The following IQSEC1 variants were observed in gnomAD, a reference collection of about 807,000 sequenced individuals.
IQSEC1 encodes IQ motif and Sec7 domain ArfGEF 1.
Under a neutral mutation model 91.0 loss-of-function variants are expected in IQSEC1, and 31 were observed. The observed-to-expected ratio is 0.34, with a 90% CI of 0.26 to 0.46. IQSEC1 has a LOEUF of 0.46. IQSEC1 is among the 20% of genes least tolerant of loss of function. IQSEC1 has a pLI of 1.00. For missense variants in IQSEC1, 1,388 were observed against 1,575.6 expected (o/e 0.88, Z 2.02); for synonymous variants, 699 against 662.6 (o/e 1.05, Z -0.84).
At chr3:13,115,996 G>A (rs1172000410) in intron 2 of IQSEC1, among the ~76,000 whole-genome samples, 4 of 152,164 alleles carry the variant, frequency 2.6e-5, no homozygotes, top group South Asian at 4.1e-4. Flanking sequence ...CTGCAATTAC[G>A]CCCCCTCAGT....
At chr3:13,152,643 G>C (rs933647945) in intron 2 of IQSEC1, among the ~76,000 whole-genome samples, 3 of 152,200 alleles carry the variant, frequency 2.0e-5, no homozygotes, top group African/African-American at 7.2e-5. Context: ...GGCTGAGACG[G>C]GCGGATCACC....
intron 1 of IQSEC1, among the ~76,000 whole-genome samples, chr3:13,246,917 T>G (rs1029919542): frequency 1.3e-5 from 2 of 152,172 alleles, no homozygotes; most frequent in Non-Finnish European, 2.9e-5. Flanking sequence ...GGGAGGCTTC[T>G]TGCTCTCCCA....
chr3:13,270,008 C>T (rs1407920097), intron 1 of IQSEC1, among the ~76,000 whole-genome samples: 1 of 152,170 alleles, frequency 6.6e-6, no homozygotes, highest in African/African-American at 2.4e-5. Context: ...CCTAGGCCAC[C>T]AGATTGGAGA....
chr3:13,205,038 T>G (rs1694318538), intron 1 of IQSEC1, among the ~76,000 whole-genome samples: 1 of 151,882 alleles, frequency 6.6e-6, no homozygotes, highest in South Asian at 2.1e-4. Context: ...CCTCAGGTGA[T>G]CCGCCCTCCT....
In IQSEC1 at chr3:13,097,459, A is replaced by G. The variant is rs1576248547; in HGVS notation, c.303-49937T>C. ...CAGGTCCTGTGCCCAAGGCTCCCAG[A>G]CCCTGGCCATGCTCCTGTGTTGGCG... On this transcript the variant is annotated intron_variant, in intron 2 of 15. Transcript: ENST00000648114. Among the ~76,000 whole-genome samples, 3 of 151,812 alleles carry G rather than the reference A, an allele frequency of 2.0e-5. No homozygotes were observed. In the South Asian group the frequency reaches 6.2e-4, roughly 32 times the overall value.
In IQSEC1 at chr3:13,231,030, A is replaced by G. The variant is rs559082494; in HGVS notation, c.272+51681T>C. ...TGTCCCCTTAAACTTTTCATAAAGT[A>G]TTGATGATTTTACCATAAATTTGAT... On this transcript the variant is annotated intron_variant, in intron 1 of 15. Coordinates refer to the IQSEC1 transcript ENST00000648114. Among the ~76,000 whole-genome samples the G allele has an allele frequency of 2.0e-5, 3 of 152,348 alleles. No homozygotes were observed. In the East Asian group the frequency reaches 5.8e-4, roughly 29 times the overall value.
At chr3:13,118,185 T>C (rs1012145802) in intron 2 of IQSEC1, among the ~76,000 whole-genome samples, 2 of 152,204 alleles carry the variant, frequency 1.3e-5, no homozygotes, top group African/African-American at 4.8e-5. Flanking sequence ...AGGAATTATA[T>C]ATATCCAAAC....
intron 1 of IQSEC1, among the ~76,000 whole-genome samples, chr3:13,164,153 C>T (rs1007931872): frequency 4.6e-5 from 7 of 152,196 alleles, no homozygotes; most frequent in African/African-American, 7.2e-5. Flanking sequence ...GAAGAGCACA[C>T]GCTTAGAGCC....
chr3:13,277,106 T>TAAAAAAAAAAA (rs4034193), intron 1 of IQSEC1, among the ~76,000 whole-genome samples: 2 of 35,994 alleles, frequency 5.6e-5, no homozygotes, highest in African/African-American at 1.3e-4. Context: ...TGCTCCTCCT[T>TAAAAAAAAAAA]AAAAAAAAAA....
rs568327069 is a variant in IQSEC1 at position 12,933,441 on chromosome 3, A to G, written c.1568+2007T>C. ...CGATACCCTCATAAGACAATGTCACAGTCCCGCGCCCTGAGTGATGTCAGC... is the reference window on the plus strand; with the variant it reads ...CGATACCCTCATAAGACAATGTCACGGTCCCGCGCCCTGAGTGATGTCAGC... On this transcript the variant is annotated intron_variant, in intron 3 of 13. Transcript: ENST00000613206. Among the ~76,000 whole-genome samples the G allele has an allele frequency of 4.6e-5, 7 of 152,366 alleles. 1 individual carries two copies. In the South Asian group the frequency reaches 1.2e-3, roughly 27 times the overall value.
chr3:13,130,187 T>C (rs970852818), intron 2 of IQSEC1, among the ~76,000 whole-genome samples: 1 of 150,284 alleles, frequency 6.7e-6, no homozygotes, highest in African/African-American at 2.4e-5. Context: ...CTACTAAAAA[T>C]ACAAAAATTA....
At chr3:13,101,408 G>T (rs956582708) in intron 2 of IQSEC1, among the ~76,000 whole-genome samples, 3 of 126,084 alleles carry the variant, frequency 2.4e-5, no homozygotes, top group African/African-American at 6.7e-5. Flanking sequence ...GACAGGGTGA[G>T]ATTCCATCTC....
At position 12,922,067 on chromosome 3, in the gene IQSEC1, T is replaced by C. The variant is rs1359839576; in HGVS notation, c.1853+53A>G. On this transcript the variant is annotated intron_variant, in intron 5 of 13. Coordinates refer to ENST00000613206, the MANE Select transcript of IQSEC1 (RefSeq NM_001134382.3). The surrounding 1 kb of genome is among the most constrained non-coding windows in gnomAD (Gnocchi z 5.1). ...TTGGTCCATCCTCGGGCCCTGAAGC[T>C]GGGGGACACCATTCTTCCCTGATGC... 3 of 1,515,810 alleles carry C rather than the reference T, an allele frequency of 2.0e-6. No individual in the cohort carries two copies. Among genetic ancestry groups the C allele is most frequent in the South Asian group, 1.3e-5 (1 of 79,848 alleles). 93.9% of individuals were successfully genotyped at this position (1,515,810 alleles called of 1,614,324 possible).
intron 2 of IQSEC1, among the ~76,000 whole-genome samples, chr3:13,112,415 G>A (rs545076155): frequency 2.1e-4 from 32 of 152,338 alleles, no homozygotes; most frequent in Middle Eastern, 3.4e-3. Context: ...AAGAGTCCCC[G>A]GCACATGTGC....
chr3:13,254,753 G>C (rs1180535490), intron 1 of IQSEC1, among the ~76,000 whole-genome samples: 1 of 152,212 alleles, frequency 6.6e-6, no homozygotes, highest in African/African-American at 2.4e-5. Context: ...GCAGGTGGCA[G>C]AGCCCTGCAC....
rs1335147240 is a variant in IQSEC1, at chr3:12,920,409, C to G, written c.2020+21G>C. 4.4e-6 allele frequency: 7 copies of G among 1,608,844 alleles called. No homozygotes were observed. In the East Asian group the frequency reaches 1.6e-4, roughly 36 times the overall value. The stretch of plus-strand genomic sequence containing the variant: ...GTGCTGGAGCAAATCTGTGGCTGGC[C>G]GACCGCCTGAGACAGCTCACCTCGG... On this transcript the variant is annotated intron_variant, in intron 6 of 13. Coordinates refer to ENST00000613206, the MANE Select transcript of IQSEC1 (RefSeq NM_001134382.3).
At chr3:13,127,079 C>T (rs1706526095) in intron 2 of IQSEC1, among the ~76,000 whole-genome samples, 1 of 152,048 alleles carries the variant, frequency 6.6e-6, no homozygotes, top group South Asian at 2.1e-4. Context: ...GCTTTTGCAT[C>T]TTTGTTAAAA....
At chr3:13,172,891 G>A (rs112149855) in intron 1 of IQSEC1, among the ~76,000 whole-genome samples, 18 of 152,182 alleles carry the variant, frequency 1.2e-4, no homozygotes, top group Non-Finnish European at 2.5e-4. Flanking sequence ...CCCTGGGAGT[G>A]GTAACTGCCC....
At position 12,899,426 on chromosome 3, in the gene IQSEC1, A is replaced by C. The variant is rs1693993526; in HGVS notation, c.*1557T>G. The C allele has an allele frequency of 1.2e-6, 2 of 1,611,012 alleles. No individual in the cohort carries two copies. The highest frequency in any genetic ancestry group is 3.3e-5 in the Admixed American group (2 of 59,794). ...GCACTGACGGCTGCAGTGGCTCGAA[A>C]GGCTGAAACTACAAAGTATGGCCCG... On this transcript the variant is annotated 3_prime_UTR_variant, in exon 14 of 14. Transcript: ENST00000613206.
Sources: allele counts gnomAD v4.1 joint callset (sites outside exome capture counted in the v4.1 genomes callset), GRCh38; gene constraint gnomAD v4.1.1; non-coding constraint Gnocchi (gnomAD v3.1); transcripts MANE v1.5; gene names NCBI Gene and HGNC (gene_info 2026-07-23, HGNC 2026-07-21).